Variants in IGF2BP3 observed in about 807,000 individuals in gnomAD.
The protein encoded by IGF2BP3 is insulin like growth factor 2 mRNA binding protein 3, also known as insulin-like growth factor 2 mRNA-binding protein 3.
Under a neutral mutation model 73.8 loss-of-function variants are expected in IGF2BP3, and 9 were observed. That is an observed-to-expected ratio of 0.12 (90% CI 0.07 to 0.21). The LOEUF is 0.21. Among genes scored for constraint, IGF2BP3 ranks in the 10% least tolerant of loss-of-function variants. The probability of loss-of-function intolerance (pLI) is 1.00; values close to 1 mark genes in which losing one functional copy is unlikely to be tolerated. For synonymous variants in IGF2BP3, 258 were observed against 256.7 expected (o/e 1.01, Z -0.05); for missense variants, 542 against 714.0 (o/e 0.76, Z 2.75).
At chr7:23,467,872 G>A (rs1788604606) in intron 2 of IGF2BP3, 1 of 153,762 alleles carries the variant, frequency 6.5e-6, no homozygotes, top group African/African-American at 2.4e-5. Flanking sequence ...GAGGAGTGGG[G>A]TGGAAAGCGG....
At chr7:23,451,569 GAGC>G (rs1158366765) in intron 2 of IGF2BP3, among the ~76,000 whole-genome samples, 1 of 151,990 alleles carries the variant, frequency 6.6e-6, no homozygotes, top group Non-Finnish European at 1.5e-5. Context: ...ATTCCACCTT[GAGC>G]AACAACAGCT....
chr7:23,377,986 T>C (rs1490782887), intron 3 of IGF2BP3, among the ~76,000 whole-genome samples: 6 of 152,180 alleles, frequency 3.9e-5, no homozygotes, highest in Non-Finnish European at 7.4e-5. Context: ...TTAATGGCTA[T>C]AGGGTTACTT....
At chr7:23,381,474 C>A (rs550359614) in intron 3 of IGF2BP3, among the ~76,000 whole-genome samples, 8 of 152,314 alleles carry the variant, frequency 5.3e-5, no homozygotes, top group African/African-American at 1.9e-4. Flanking sequence ...AATTTTGAAG[C>A]TGGTTGACAG....
In IGF2BP3 at chr7:23,341,927, C is replaced by T. The variant is rs556680888; in HGVS notation, c.1203+137G>A. The T allele has an allele frequency of 5.9e-5, 57 of 968,274 alleles. No homozygotes were observed. In the South Asian group the frequency reaches 1.4e-3, roughly 23 times the overall value. 60.0% of individuals were successfully genotyped at this position (968,274 alleles called of 1,614,324 possible). A position where few individuals can be genotyped will look rare whatever the true frequency, so the allele number is the denominator to read the frequency against. On this transcript the variant is annotated intron_variant, in intron 10 of 14. Coordinates refer to ENST00000258729, the MANE Select transcript of IGF2BP3 (RefSeq NM_006547.3). ...GCAAAATAATCCCATGTCTACTCCA[C>T]AAAGGGCCAAATAAGAAGGCTCCAT...
intron 3 of IGF2BP3, among the ~76,000 whole-genome samples, chr7:23,364,449 G>A (rs1409037915): frequency 2.0e-5 from 3 of 150,510 alleles, no homozygotes; most frequent in Non-Finnish European, 3.0e-5. Flanking sequence ...TTGGGAGGCC[G>A]AGGCAAGAGA....
intron 2 of IGF2BP3, among the ~76,000 whole-genome samples, chr7:23,451,680 G>C (rs1562760788): frequency 6.6e-6 from 1 of 152,210 alleles, no homozygotes; most frequent in East Asian, 1.9e-4. Context: ...TGGGCACGGT[G>C]GCTCACGCCT....
rs1172380630 is a variant in IGF2BP3, at chr7:23,335,109, T to G, written c.1203+6955A>C. On this transcript the variant is annotated intron_variant, in intron 10 of 14. Transcript: ENST00000258729. ...AAAAAAAAAAAAAGGCAAAGAAAGT[T>G]TTTCACCATAACTAGATAACCAAGG... 4.8e-5 allele frequency among the ~76,000 whole-genome samples: 7 copies of G among 146,380 alleles called. 1 individual carries two copies. Among genetic ancestry groups the G allele is most frequent in the Admixed American group, 4.1e-4 (6 of 14,502 alleles).
chr7:23,444,798 G>A (rs185693872), intron 2 of IGF2BP3, among the ~76,000 whole-genome samples: 1 of 151,692 alleles, frequency 6.6e-6, no homozygotes, highest in African/African-American at 2.4e-5. Flanking sequence ...AGTTGGGTTC[G>A]GTGGCTCATG....
At chr7:23,405,971 G>C (rs537468698) in intron 3 of IGF2BP3, among the ~76,000 whole-genome samples, 3 of 151,884 alleles carry the variant, frequency 2.0e-5, no homozygotes, top group South Asian at 4.2e-4. Context: ...TATTAATGCT[G>C]GGTGATTAAC....
At chr7:23,350,323 A>T (rs886388800) in intron 6 of IGF2BP3, among the ~76,000 whole-genome samples, 1 of 152,236 alleles carries the variant, frequency 6.6e-6, no homozygotes, top group East Asian at 1.9e-4. Flanking sequence ...ATTTAAAAGG[A>T]AAAATAATCT....
At position 23,361,558 on chromosome 7, in the gene IGF2BP3, T is replaced by C; in HGVS notation, c.377A>G (p.Tyr126Cys). The change falls in exon 5 of 15, where the codon TAT becomes TGT. Residue 126 changes from tyrosine to cysteine, a missense_variant. By Grantham distance (194) the Tyr-to-Cys change is radical (BLOSUM62 -2). Coordinates refer to ENST00000258729, the MANE Select transcript of IGF2BP3 (RefSeq NM_006547.3). ...CTGTCTAGCTTGGTCCTTACTGGAATAGGTTACATTTACAACTGCAGTTTC... is the reference window on the plus strand; with the variant it reads ...CTGTCTAGCTTGGTCCTTACTGGAACAGGTTACATTTACAACTGCAGTTTC... ...DSETAVVNVT[Y>C]SSKDQARQAL... 1.9e-6 allele frequency: 3 copies of C among 1,612,852 alleles called. No homozygotes were observed. The highest frequency in any genetic ancestry group is 2.5e-6 in the Non-Finnish European group (3 of 1,179,666).
At chr7:23,445,600 A>C (rs1788040616) in intron 2 of IGF2BP3, among the ~76,000 whole-genome samples, 1 of 152,216 alleles carries the variant, frequency 6.6e-6, no homozygotes, top group East Asian at 1.9e-4. Context: ...CGGTATGTAC[A>C]TTATTCATCA....
At chr7:23,406,426 G>T (rs1786833401) in intron 3 of IGF2BP3, among the ~76,000 whole-genome samples, 1 of 152,160 alleles carries the variant, frequency 6.6e-6, no homozygotes, top group Non-Finnish European at 1.5e-5. Flanking sequence ...GACTCCCACG[G>T]TGAGTGTTAC....
intron 10 of IGF2BP3, among the ~76,000 whole-genome samples, chr7:23,340,557 C>G (rs1029187051): frequency 7.2e-5 from 11 of 151,928 alleles, no homozygotes; most frequent in African/African-American, 2.7e-4. Context: ...GGACATTTCC[C>G]CAAATTGGTG....
intron 3 of IGF2BP3, among the ~76,000 whole-genome samples, chr7:23,374,815 A>T (rs571841658): frequency 8.5e-5 from 13 of 152,316 alleles, no homozygotes; most frequent in African/African-American, 3.1e-4. Context: ...TGAGAAATAA[A>T]GGGACAGAGT....
Position 23,312,409 on chromosome 7 carries a change from G to C in IGF2BP3, c.1693C>G (p.Gln565Glu). The C allele has an allele frequency of 1.2e-6, 2 of 1,613,782 alleles. No individual in the cohort carries two copies. Among genetic ancestry groups the C allele is most frequent in the Non-Finnish European group, 1.7e-6 (2 of 1,179,972 alleles). Residue 565 changes from glutamine (Q) to glutamate (E), a missense_variant, in exon 15 of 15, where the codon CAA becomes GAA. Gln to Glu is a conservative substitution (Grantham distance 29, BLOSUM62 2). Around this residue, in one of 2 missense-constraint regions of IGF2BP3, gnomAD observed 303 missense variants for 472.1 expected, o/e 0.64. Transcript: ENST00000258729. ...EILTQVKQHQ[Q>E]QKALQSGPPQ... is the part of the protein sequence containing the mutation. ...GGTCCACTTTGCAGAGCCTTCTGTT[G>C]TTGGTGCTGCTTTACCTGAGTCAGA... is the stretch of plus-strand genomic sequence containing the variant.
intron 10 of IGF2BP3, among the ~76,000 whole-genome samples, chr7:23,320,516 CTT>C (rs1472195961): frequency 2.0e-5 from 3 of 152,108 alleles, no homozygotes; most frequent in Non-Finnish European, 2.9e-5. Context: ...GCATTTTCCA[CTT>C]TGTTTACCTT....
intron 3 of IGF2BP3, among the ~76,000 whole-genome samples, chr7:23,367,820 G>T (rs369320742): frequency 5.3e-5 from 8 of 152,230 alleles, no homozygotes; most frequent in East Asian, 3.9e-4. Flanking sequence ...GGCCAACATG[G>T]TGAAACCCCA....
intron 3 of IGF2BP3, among the ~76,000 whole-genome samples, chr7:23,380,592 A>G (rs1268454853): frequency 1.3e-5 from 2 of 152,136 alleles, no homozygotes; most frequent in African/African-American, 2.4e-5. Context: ...AGAACACACT[A>G]TGTCTTCTTA....
Sources: allele counts gnomAD v4.1 joint callset (sites outside exome capture counted in the v4.1 genomes callset), GRCh38; gene constraint gnomAD v4.1.1; regional missense constraint gnomAD v4.1.1; transcripts MANE v1.5; gene names NCBI Gene and HGNC (gene_info 2026-07-23, HGNC 2026-07-21).